Variants in TRAF2 observed in about 807,000 individuals in gnomAD.
TRAF2 encodes the protein TNF receptor-associated factor 2.
TRAF2 carries 6 observed loss-of-function variants against 55.6 expected under a neutral mutation model. The ratio of observed to expected loss-of-function variants is 0.11; its 90% confidence interval spans 0.06 to 0.21. The LOEUF (loss-of-function observed/expected upper bound fraction) is 0.21. Ranked by LOEUF, TRAF2 falls within the 10% of genes least tolerant of loss-of-function variation. TRAF2 has a pLI of 1.00. For synonymous variants in TRAF2, 329 were observed against 276.3 expected (o/e 1.19, Z -1.89); for missense variants, 561 against 684.5 (o/e 0.82, Z 2.01).
At chr9:136,916,661 G>T in intron 7 of TRAF2, 46 bp downstream of exon 7, 1 of 1,590,318 alleles carries the variant, frequency 6.3e-7, no homozygotes, top group Non-Finnish European at 8.6e-7. Flanking sequence ...CATCCTGGGT[G>T]TGGTCTTCAC....
At chr9:136,901,457 C>T (rs772282355) in intron 4 of TRAF2, among the ~76,000 whole-genome samples, 23 of 152,208 alleles carry the variant, frequency 1.5e-4, no homozygotes, top group Non-Finnish European at 5.9e-5. Flanking sequence ...CGGACACACA[C>T]ACCCCAGGGA....
At chr9:136,898,519 C>T (rs909380142) in intron 1 of TRAF2, 194 bp from the exon 2 acceptor site, 2 of 935,234 alleles carry the variant, frequency 2.1e-6, no homozygotes, top group African/African-American at 3.6e-5. Context: ...AGTTTCCATA[C>T]TAGCGGCGGG....
At chr9:136,883,802 CCA>C (rs1491037376), upstream of TRAF2, among the ~76,000 whole-genome samples, 32 of 151,162 alleles carry the variant, frequency 2.1e-4, no homozygotes, top group Non-Finnish European at 3.4e-4. Context: ...CAAACATGAG[CCA>C]CTGTGCCGGG....
rs1180324647 is a variant in TRAF2, at chr9:136,912,152, C to CTTTTTTTTTTT, written c.603+2175_603+2185dup. On this transcript the variant is annotated intron_variant, in intron 6 of 10. Coordinates refer to ENST00000247668, the MANE Select transcript of TRAF2 (RefSeq NM_021138.4). ...CAGGCGTGAGCCACTGCGTCTGGCC[C>CTTTTTTTTTTT]TTTTTTTTTTTTTTTTTTTTTTTTT... is the stretch of plus-strand genomic sequence containing the variant. Among the ~76,000 whole-genome samples the CTTTTTTTTTTT allele has an allele frequency of 2.2e-4, 13 of 58,332 alleles. 1 individual carries two copies. The highest frequency in any genetic ancestry group is 9.9e-4 in the African/African-American group (13 of 13,192). The allele number at this position is 58,332 out of a possible 152,430, so 38.3% of individuals were successfully genotyped here.
chr9:136,898,631 T>C, intron 1 of TRAF2, 82 bp from the exon 2 acceptor site: 1 of 1,559,624 alleles, frequency 6.4e-7, no homozygotes. Context: ...CACCATCGCC[T>C]GCTACTGATC....
At chr9:136,899,725 C>T (rs1471693805) in intron 3 of TRAF2, 53 bp downstream of exon 3, 15 of 1,553,992 alleles carry the variant, frequency 9.7e-6, no homozygotes, top group East Asian at 9.4e-5. Context: ...GTCTTAATTT[C>T]CTTTACAACA....
upstream of TRAF2, among the ~76,000 whole-genome samples, chr9:136,884,872 C>A (rs1470908391): frequency 7.2e-5 from 11 of 152,222 alleles, no homozygotes; most frequent in Admixed American, 5.2e-4. Flanking sequence ...TTTCTCATCC[C>A]GAGCTGGCTG....
intron 7 of TRAF2, among the ~76,000 whole-genome samples, chr9:136,918,860 G>A (rs762872803): frequency 1.3e-5 from 2 of 149,100 alleles, no homozygotes; most frequent in Admixed American, 6.7e-5. Context: ...TCAGCCTTCC[G>A]GGAAGCTGGG....
chr9:136,924,088 C>T, intron 10 of TRAF2, 88 bp downstream of exon 10: 3 of 1,521,662 alleles, frequency 2.0e-6, no homozygotes, highest in Non-Finnish European at 2.7e-6. Flanking sequence ...TTGTGCGGGA[C>T]AAGGTGGCTT....
chr9:136,898,583 C>CT, intron 1 of TRAF2, 130 bp from the exon 2 acceptor site: 1 of 1,462,396 alleles, frequency 6.8e-7, no homozygotes, highest in Non-Finnish European at 9.0e-7. Context: ...TTCTGCTTCT[C>CT]TGAGTCTTGA....
At chr9:136,897,011 T>C (rs1348578106) in intron 1 of TRAF2, among the ~76,000 whole-genome samples, 1 of 152,152 alleles carries the variant, frequency 6.6e-6, no homozygotes, top group Non-Finnish European at 1.5e-5. Flanking sequence ...GGCATCCTCA[T>C]TGTTCCCTTC....
intron 7 of TRAF2, among the ~76,000 whole-genome samples, chr9:136,918,227 TTATATATA>T (rs764701854): frequency 3.1e-4 from 21 of 68,082 alleles, no homozygotes; most frequent in East Asian, 9.9e-4. Context: ...AGTGTTTTGT[TTATATATA>T]TATATATATA....
At chr9:136,907,126 GGCACC>G (rs1372109881) in intron 4 of TRAF2, among the ~76,000 whole-genome samples, 4 of 152,256 alleles carry the variant, frequency 2.6e-5, no homozygotes, top group Non-Finnish European at 5.9e-5. Context: ...GCGAGGAGCT[GGCACC>G]GCCTCCCTTC....
intron 3 of TRAF2, among the ~76,000 whole-genome samples, chr9:136,900,180 AAAGAAT>A (rs1309204825): frequency 7.9e-5 from 10 of 125,922 alleles, no homozygotes; most frequent in East Asian, 2.2e-4. Flanking sequence ...AAAAAAAAAA[AAAGAAT>A]AAAGGGCCGC....
chr9:136,892,677 C>T (rs944763379), intron 1 of TRAF2, among the ~76,000 whole-genome samples: 3 of 152,138 alleles, frequency 2.0e-5, no homozygotes, highest in Admixed American at 1.3e-4. Flanking sequence ...GTCAGGAGTT[C>T]GAGACCAGCC....
chr9:136,911,875 A>G (rs1588436695), intron 6 of TRAF2, among the ~76,000 whole-genome samples: 2 of 24,188 alleles, frequency 8.3e-5, no homozygotes, highest in Admixed American at 4.2e-4. Flanking sequence ...TTTGAGATGG[A>G]GTCTCGCTCT....
rs576398837 is a variant in TRAF2, at chr9:136,897,951, C to T, written c.-28-762C>T. Among the ~76,000 whole-genome samples, 248 of 139,670 alleles carry T rather than the reference C, an allele frequency of 1.8e-3. 8 individuals carry two copies. Among genetic ancestry groups the T allele is most frequent in the African/African-American group, 6.6e-3 (232 of 35,218 alleles). The allele number at this position is 139,670 out of a possible 152,430, so 91.6% of individuals were successfully genotyped here. A position where few individuals can be genotyped will look rare whatever the true frequency, so the allele number is the denominator to read the frequency against. On this transcript the variant is annotated intron_variant, in intron 1 of 10. Coordinates refer to ENST00000247668, the MANE Select transcript of TRAF2 (RefSeq NM_021138.4). ...GCCAGCCTCAGGTGTGCTACGTTCC[C>T]GCTCTCGGGGCTGGAGGGGAATCCG...
In TRAF2 at chr9:136,916,587, G is replaced by A; in HGVS notation, c.650G>A (p.Arg217Lys). ...TGTGGCAAGTGTCGAGTCCCTTGCAGATTCCACGCCATCGGCTGCCTCGAG... is the reference window on the plus strand; with the variant it reads ...TGTGGCAAGTGTCGAGTCCCTTGCAAATTCCACGCCATCGGCTGCCTCGAG... ...KTCGKCRVPC[R>K]FHAIGCLETV... The change falls in exon 7 of 11, where the codon AGA becomes AAA. Residue 217 changes from arginine (R) to lysine (K), a missense_variant. Coordinates refer to ENST00000247668, the MANE Select transcript of TRAF2 (RefSeq NM_021138.4). 6.2e-7 allele frequency: 1 copy of A among 1,614,106 alleles called. No individual in the cohort carries two copies. Among genetic ancestry groups the A allele is most frequent in the Non-Finnish European group, 8.5e-7 (1 of 1,180,006 alleles).
Position 136,912,635 on chromosome 9 carries a change from G to A in TRAF2, c.603+2641G>A, listed in dbSNP as rs908816302. Among the ~76,000 whole-genome samples the A allele has an allele frequency of 5.3e-5, 8 of 152,118 alleles. No homozygotes were observed. In the East Asian group the frequency reaches 1.4e-3, roughly 26 times the overall value. ...CGGGAGGATCACTTGAGGCCAGTTC[G>A]AGACCAGCCTGGCCAACGTGGTGAA... On this transcript the variant is annotated intron_variant, in intron 6 of 10. Transcript: ENST00000247668.
Sources: gnomAD v4.1 joint callset for allele counts (sites outside exome capture counted in the v4.1 genomes callset) on GRCh38, gnomAD v4.1.1 for gene constraint, MANE v1.5 for transcripts, NCBI Gene and HGNC (gene_info 2026-07-23, HGNC 2026-07-21) for gene names.